The following LAMA2 variants were observed in gnomAD, a reference collection of about 807,000 sequenced individuals.
LAMA2 encodes laminin subunit alpha-2.
In LAMA2, 269 loss-of-function variants were observed where a neutral mutation model predicts 364.8. That is an observed-to-expected ratio of 0.74 (90% CI 0.67 to 0.82). The LOEUF (loss-of-function observed/expected upper bound fraction) is 0.82. LAMA2 is among the 40% of genes least tolerant of loss of function. The pLI, the probability that LAMA2 is intolerant of heterozygous loss-of-function variation, is 0.00. For missense variants in LAMA2, 3,807 were observed against 3,873.2 expected, an observed-to-expected ratio of 0.98 and a Z score of 0.45; for synonymous variants, 1,379 against 1,370.6, an observed-to-expected ratio of 1.01 and a Z score of -0.14.
intron 13 of LAMA2, among the ~76,000 whole-genome samples, chr6:129,250,789 A>C (rs1426072917): frequency 1.3e-5 from 2 of 152,018 alleles, no homozygotes; most frequent in Non-Finnish European, 2.9e-5. Context: ...TCTTTCCAAT[A>C]ATGTATCTCC....
At chr6:129,218,518 A>G (rs1170356128) in intron 12 of LAMA2, among the ~76,000 whole-genome samples, 1 of 152,170 alleles carries the variant, frequency 6.6e-6, no homozygotes, top group African/African-American at 2.4e-5. Context: ...CCTCTACAAT[A>G]TAAGATAGCA....
intron 27 of LAMA2, among the ~76,000 whole-genome samples, chr6:129,319,983 A>G (rs930558881): frequency 6.6e-6 from 1 of 152,088 alleles, no homozygotes; most frequent in African/African-American, 2.4e-5. Flanking sequence ...AAATACAATA[A>G]TTAGCTGGGC....
At chr6:129,194,348 C>T (rs747079088) in intron 12 of LAMA2, among the ~76,000 whole-genome samples, 3 of 152,102 alleles carry the variant, frequency 2.0e-5, no homozygotes, top group Non-Finnish European at 4.4e-5. Context: ...GATTTTCCAT[C>T]CTTTCTTCTT....
chr6:128,893,404 G>A lies in LAMA2; in HGVS notation c.112+10047G>A, dbSNP rs181066388. On this transcript the variant is annotated intron_variant, in intron 1 of 64. Transcript: ENST00000421865. ...ATTTGTTATTAATTAATAATGTTATGTATTAATATACATATATGTATTAAT... is the reference window on the plus strand; with the variant it reads ...ATTTGTTATTAATTAATAATGTTATATATTAATATACATATATGTATTAAT... 4.8e-3 allele frequency among the ~76,000 whole-genome samples: 724 copies of A among 151,446 alleles called. 7 individuals carry two copies. Among genetic ancestry groups the A allele is most frequent in the Middle Eastern group, 0.024 (7 of 292 alleles).
At chr6:129,133,887 C>T (rs1353211822) in intron 4 of LAMA2, among the ~76,000 whole-genome samples, 2 of 152,096 alleles carry the variant, frequency 1.3e-5, no homozygotes, top group East Asian at 3.9e-4. Context: ...CACACACGCG[C>T]ACACACAATT....
chr6:128,983,272 C>A (rs1002401917), intron 1 of LAMA2, among the ~76,000 whole-genome samples: 1 of 151,962 alleles, frequency 6.6e-6, no homozygotes, highest in South Asian at 2.1e-4. Context: ...TCTCCAGCCC[C>A]TGTTGTTTCC....
At chr6:129,061,938 G>A (rs1788951437) in intron 3 of LAMA2, among the ~76,000 whole-genome samples, 1 of 152,156 alleles carries the variant, frequency 6.6e-6, no homozygotes, top group Admixed American at 6.5e-5. Flanking sequence ...AGAAGAAGGG[G>A]AATTCAAGTA....
intron 33 of LAMA2, among the ~76,000 whole-genome samples, chr6:129,368,409 T>C (rs1777893181): frequency 1.3e-5 from 2 of 152,202 alleles, no homozygotes; most frequent in South Asian, 4.1e-4. Flanking sequence ...CAGGGTGATA[T>C]GATGGACAAC....
intron 3 of LAMA2, among the ~76,000 whole-genome samples, chr6:129,079,385 G>T (rs1266429261): frequency 1.1e-5 from 1 of 92,936 alleles, no homozygotes; most frequent in Non-Finnish European, 2.5e-5. Flanking sequence ...TTGAATGAGG[G>T]TCTTAGGATG....
intron 1 of LAMA2, among the ~76,000 whole-genome samples, chr6:128,959,174 A>G (rs888847690): frequency 1.3e-5 from 2 of 152,172 alleles, no homozygotes; most frequent in African/African-American, 4.8e-5. Flanking sequence ...CTAATTTTAA[A>G]CTACACTTTC....
At chr6:129,021,999 T>C (rs900558854) in intron 1 of LAMA2, among the ~76,000 whole-genome samples, 9 of 152,182 alleles carry the variant, frequency 5.9e-5, no homozygotes, top group Non-Finnish European at 1.3e-4. Context: ...ATTTCATCCA[T>C]TGGAGAGTTC....
At chr6:129,510,150 G>A (rs545532989) in intron 62 of LAMA2, among the ~76,000 whole-genome samples, 5 of 152,098 alleles carry the variant, frequency 3.3e-5, no homozygotes, top group East Asian at 3.9e-4. Context: ...AAAAGTAAAC[G>A]GCATCCAAGG....
intron 12 of LAMA2, among the ~76,000 whole-genome samples, chr6:129,204,618 G>A (rs993313660): frequency 5.3e-5 from 8 of 152,234 alleles, no homozygotes; most frequent in South Asian, 2.1e-4. Context: ...TAACCCTGCC[G>A]ATACCTTGAT....
intron 4 of LAMA2, among the ~76,000 whole-genome samples, chr6:129,140,701 A>G (rs528055064): frequency 9.9e-5 from 15 of 152,178 alleles, no homozygotes; most frequent in African/African-American, 3.6e-4. Flanking sequence ...TAGTGGAAAT[A>G]TCCTATCCAA....
intron 4 of LAMA2, among the ~76,000 whole-genome samples, chr6:129,120,226 A>C (rs1776727590): frequency 6.6e-6 from 1 of 152,244 alleles, no homozygotes; most frequent in Non-Finnish European, 1.5e-5. Flanking sequence ...AATATGCGTG[A>C]GTCATCAACA....
chr6:129,414,046 C>A (rs1016759511), intron 40 of LAMA2, among the ~76,000 whole-genome samples: 2 of 151,882 alleles, frequency 1.3e-5, no homozygotes, highest in Non-Finnish European at 2.9e-5. Flanking sequence ...GGGATCATAA[C>A]TGTAGATACA....
intron 15 of LAMA2, among the ~76,000 whole-genome samples, chr6:129,263,616 GCC>G (rs1348829430): frequency 1.3e-5 from 2 of 151,288 alleles, no homozygotes; most frequent in African/African-American, 4.9e-5. Context: ...GAAAAGCAAG[GCC>G]ATGAGGAGAT....
chr6:129,034,230 T>C (rs1390001606), intron 1 of LAMA2, among the ~76,000 whole-genome samples: 1 of 152,134 alleles, frequency 6.6e-6, no homozygotes, highest in African/African-American at 2.4e-5. Flanking sequence ...TTTGGAGTTT[T>C]TTTGCACTTC....
At chr6:129,417,296 C>A (rs1201503182) in intron 40 of LAMA2, among the ~76,000 whole-genome samples, 3 of 152,098 alleles carry the variant, frequency 2.0e-5, no homozygotes, top group Non-Finnish European at 4.4e-5. Flanking sequence ...AAATGGGTAG[C>A]TCCGTTCCAC....
Sources: allele counts gnomAD v4.1 joint callset (sites outside exome capture counted in the v4.1 genomes callset), GRCh38; gene constraint gnomAD v4.1.1; transcripts MANE v1.5; gene names NCBI Gene and HGNC (gene_info 2026-07-23, HGNC 2026-07-21).